Variants in PIK3R4 observed in about 807,000 individuals in gnomAD.
PIK3R4 encodes phosphoinositide 3-kinase regulatory subunit 4.
In PIK3R4, 46 loss-of-function variants were observed where a neutral mutation model predicts 136.5. The observed-to-expected ratio is 0.34, with a 90% CI of 0.27 to 0.43. The LOEUF (loss-of-function observed/expected upper bound fraction) is 0.43. Among genes scored for constraint, PIK3R4 ranks in the 20% least tolerant of loss-of-function variants. The pLI is 1.00. For synonymous variants in PIK3R4, 557 were observed against 566.7 expected, an observed-to-expected ratio of 0.98 and a Z score of 0.24; for missense variants, 1,331 against 1,649.5, an observed-to-expected ratio of 0.81 and a Z score of 3.35.
At chr3:130,712,885 G>A (rs2066640278) in intron 9 of PIK3R4, among the ~76,000 whole-genome samples, 1 of 152,152 alleles carries the variant, frequency 6.6e-6, no homozygotes, top group African/African-American at 2.4e-5. Flanking sequence ...CTGGGTCTTA[G>A]CTCTCTGTCC....
Position 130,735,888 on chromosome 3 carries a change from T to C in PIK3R4, c.848A>G (p.Asp283Gly). Reference sequence around the variant, plus strand: ...AGTTACCAATTCTCTGATACTGTGATCTTCAATTTTATTTAGCACTTGTTC... The same window carrying C: ...AGTTACCAATTCTCTGATACTGTGACCTTCAATTTTATTTAGCACTTGTTC... ...FPEQVLNKIE[D>G]HSIRELVTQM... The change falls in exon 3 of 20, where the codon GAT becomes GGT. Residue 283 changes from aspartate to glycine, a missense_variant. Transcript: ENST00000356763. 1.9e-6 allele frequency: 3 copies of C among 1,611,700 alleles called. No individual in the cohort carries two copies. Among genetic ancestry groups the C allele is most frequent in the Non-Finnish European group, 2.5e-6 (3 of 1,179,446 alleles).
In PIK3R4 at chr3:130,705,301, T is replaced by C. The variant is rs116104507; in HGVS notation, c.2932+260A>G. 2.9e-3 allele frequency among the ~76,000 whole-genome samples: 449 copies of C among 152,302 alleles called. 2 individuals carry two copies. Among genetic ancestry groups the C allele is most frequent in the African/African-American group, 0.01 (434 of 41,558 alleles). On this transcript the variant is annotated intron_variant, in intron 12 of 19. Coordinates refer to ENST00000356763, the MANE Select transcript of PIK3R4 (RefSeq NM_014602.3). ...AAGGCATTAAACAGGCAAAACCTAG[T>C]ACTATAAATGGGGAAAATGAAGCAC...
intron 14 of PIK3R4, among the ~76,000 whole-genome samples, chr3:130,687,543 G>A (rs1275902592): frequency 6.6e-6 from 1 of 152,170 alleles, no homozygotes; most frequent in Non-Finnish European, 1.5e-5. Flanking sequence ...GAGCATGCCT[G>A]TGGTAAGCTA....
At chr3:130,731,486 C>A (rs573008142) in intron 4 of PIK3R4, among the ~76,000 whole-genome samples, 1 of 152,160 alleles carries the variant, frequency 6.6e-6, no homozygotes, top group South Asian at 2.1e-4. Flanking sequence ...ATGTAAATAC[C>A]CTATAACGCC....
Position 130,733,895 on chromosome 3 carries a change from C to T in PIK3R4, c.1103G>A (p.Gly368Glu), listed in dbSNP as rs1409469837. Residue 368 changes from glycine to glutamate, a missense_variant, in exon 4 of 20, where the codon GGA becomes GAA. By Grantham distance (98) the Gly-to-Glu change is moderately conservative. This residue lies in a region of PIK3R4 where 1,180 missense variants were observed against 1,407.0 expected (regional missense o/e 0.84). Coordinates refer to ENST00000356763, the MANE Select transcript of PIK3R4 (RefSeq NM_014602.3). ...AACCAGCCCATTTTCCTTAGGCTCTCCTTCGGCTTTTTCTGGCAGATCATG... is the reference window on the plus strand; with the variant it reads ...AACCAGCCCATTTTCCTTAGGCTCTTCTTCGGCTTTTTCTGGCAGATCATG... The part of the protein sequence containing the change: ...CGHDLPEKAE[G>E]EPKENGLVIL... 5 of 1,613,966 alleles carry T rather than the reference C, an allele frequency of 3.1e-6. No homozygotes were observed. Among genetic ancestry groups the T allele is most frequent in the Non-Finnish European group, 2.5e-6 (3 of 1,179,966 alleles).
rs1318091426 is a variant in PIK3R4, at chr3:130,734,038, A to C, written c.960T>G (p.Phe320Leu). ...QQRGNAFPEI[F>L]YTFLQPYMAQ... ...CCATGTAGGGCTGAAGAAAAGTGTA[A>C]AATATTTCAGGAAAGGCATTGCCAC... Residue 320 changes from phenylalanine to leucine, a missense_variant, in exon 4 of 20, where the codon TTT becomes TTG. Transcript: ENST00000356763. The C allele has an allele frequency of 6.2e-7, 1 of 1,614,166 alleles. No individual in the cohort carries two copies. The highest frequency in any genetic ancestry group is 8.5e-7 in the Non-Finnish European group (1 of 1,179,996).
At chr3:130,697,728 T>G (rs1348658975) in intron 13 of PIK3R4, among the ~76,000 whole-genome samples, 1 of 152,222 alleles carries the variant, frequency 6.6e-6, no homozygotes, top group African/African-American at 2.4e-5. Flanking sequence ...TATCTCTTCA[T>G]GCAGTCATCT....
At position 130,708,462 on chromosome 3, in the gene PIK3R4, G is replaced by C; in HGVS notation, c.2362C>G (p.Leu788Val). 1 of 1,613,126 alleles carries C rather than the reference G, an allele frequency of 6.2e-7. No individual in the cohort carries two copies. The highest frequency in any genetic ancestry group is 1.1e-5 in the South Asian group (1 of 91,006). Residue 788 changes from leucine to valine, a missense_variant, in exon 10 of 20, where the codon CTG becomes GTG. Physicochemically the swap from Leu to Val is conservative, Grantham distance 32. This residue lies in a region of PIK3R4 where 1,180 missense variants were observed against 1,407.0 expected (regional missense o/e 0.84). Coordinates refer to ENST00000356763, the MANE Select transcript of PIK3R4 (RefSeq NM_014602.3). ...GMTEEEEDKL[L>V]ALKDFMMKSN... ...TTCATCATGAAGTCTTTCAGTGCCA[G>C]AAGTTTGTCTTCCTCTTCCTCTGTC...
chr3:130,696,057 G>T lies in PIK3R4; in HGVS notation c.3099-5403C>A, dbSNP rs137919677. Among the ~76,000 whole-genome samples the T allele has an allele frequency of 3.3e-5, 5 of 152,118 alleles. No individual in the cohort carries two copies. The East Asian group carries it at 9.7e-4, about 29-fold the overall frequency. ...CCATTTCACCTAGGTTATCTAATTT[G>T]CTGGCATACAATTGTTCATGGTATT... On this transcript the variant is annotated intron_variant, in intron 13 of 19. Coordinates refer to ENST00000356763, the MANE Select transcript of PIK3R4 (RefSeq NM_014602.3).
intron 14 of PIK3R4, among the ~76,000 whole-genome samples, chr3:130,686,925 C>A (rs560856701): frequency 8.5e-5 from 13 of 152,236 alleles, no homozygotes; most frequent in African/African-American, 3.1e-4. Flanking sequence ...TCATTATTAT[C>A]CTGAAATTAT....
At chr3:130,689,334 C>G (rs1447609463) in intron 14 of PIK3R4, among the ~76,000 whole-genome samples, 2 of 151,572 alleles carry the variant, frequency 1.3e-5, no homozygotes, top group African/African-American at 4.9e-5. Flanking sequence ...AGTCATCACA[C>G]AGTGCACTAT....
chr3:130,690,235 T>C (rs923847854), intron 14 of PIK3R4, among the ~76,000 whole-genome samples: 1 of 152,206 alleles, frequency 6.6e-6, no homozygotes, highest in Non-Finnish European at 1.5e-5. Flanking sequence ...AGCTGCCCCT[T>C]TGACCTCTTG....
At chr3:130,727,278 T>C (rs2107617107) in intron 6 of PIK3R4, among the ~76,000 whole-genome samples, 1 of 152,112 alleles carries the variant, frequency 6.6e-6, no homozygotes, top group South Asian at 2.1e-4. Flanking sequence ...CTGACTGCAG[T>C]GGCGCAATCT....
intron 13 of PIK3R4, among the ~76,000 whole-genome samples, chr3:130,693,038 C>G (rs551670745): frequency 6.6e-6 from 1 of 152,278 alleles, no homozygotes; most frequent in African/African-American, 2.4e-5. Flanking sequence ...TACTTTGTGT[C>G]TCTATGGATT....
intron 9 of PIK3R4, 77 bp from the exon 10 acceptor site, chr3:130,708,569 G>A (rs2066618068): frequency 3.9e-6 from 5 of 1,271,660 alleles, no homozygotes; most frequent in Non-Finnish European, 5.5e-6. Context: ...ACTAACAACT[G>A]AAGGGACAAA....
intron 2 of PIK3R4, 35 bp downstream of exon 2, chr3:130,744,451 C>A (rs756117168): frequency 2.6e-6 from 4 of 1,551,476 alleles, no homozygotes; most frequent in Admixed American, 2.0e-5. Context: ...AAGAAAAACA[C>A]ATGCTCCCTT....
intron 9 of PIK3R4, among the ~76,000 whole-genome samples, chr3:130,712,536 T>C (rs2066638162): frequency 6.6e-6 from 1 of 151,914 alleles, no homozygotes; most frequent in Non-Finnish European, 1.5e-5. Flanking sequence ...GGCCTGGTGG[T>C]GCATGCCGGT....
chr3:130,741,686 A>G (rs1352561935), intron 2 of PIK3R4, among the ~76,000 whole-genome samples: 8 of 152,220 alleles, frequency 5.3e-5, no homozygotes, highest in African/African-American at 1.9e-4. Flanking sequence ...GCTATAACAC[A>G]TCACTAACCA....
At chr3:130,700,320 TG>T (rs2066568221) in intron 13 of PIK3R4, among the ~76,000 whole-genome samples, 1 of 152,190 alleles carries the variant, frequency 6.6e-6, no homozygotes, top group Non-Finnish European at 1.5e-5. Flanking sequence ...GTTTTCACTG[TG>T]ATAGAACTCC....
Sources: allele counts gnomAD v4.1 joint callset (sites outside exome capture counted in the v4.1 genomes callset), GRCh38; gene constraint gnomAD v4.1.1; regional missense constraint gnomAD v4.1.1; transcripts MANE v1.5; gene names NCBI Gene and HGNC (gene_info 2026-07-23, HGNC 2026-07-21).